The following PSG1 variants were observed in gnomAD, a reference collection of about 807,000 sequenced individuals.
The protein encoded by PSG1 is pregnancy specific beta-1-glycoprotein 1, also known as pregnancy-specific beta-1-glycoprotein 1.
PSG1 carries 60 observed loss-of-function variants against 41.4 expected under a neutral mutation model. The observed-to-expected ratio is 1.45, with a 90% confidence interval of 1.18 to 1.80. PSG1 has a LOEUF of 1.80. Ranked by LOEUF, PSG1 falls within the 40% of genes most tolerant of loss-of-function variation. The pLI is 0.00. For missense variants in PSG1, 806 were observed against 516.9 expected, an observed-to-expected ratio of 1.56 and a Z score of -5.42; for synonymous variants, 256 against 192.9, an observed-to-expected ratio of 1.33 and a Z score of -2.71.
chr19:42,870,992 C>T (rs2122510879), intron 3 of PSG1, among the ~76,000 whole-genome samples: 1 of 151,542 alleles, frequency 6.6e-6, no homozygotes, highest in East Asian at 1.9e-4. Flanking sequence ...AAACATATTC[C>T]CTGTCCTGGG....
chr19:42,871,149 G>A (rs1293643130), intron 3 of PSG1, among the ~76,000 whole-genome samples: 2 of 151,632 alleles, frequency 1.3e-5, no homozygotes, highest in South Asian at 2.1e-4. Flanking sequence ...TGTTCCACCA[G>A]TGGCTGAGTT....
Position 42,879,530 on chromosome 19 carries a change from G to A in PSG1, c.52C>T (p.Leu18Phe), listed in dbSNP as rs189153797. Residue 18 changes from leucine (L) to phenylalanine (F), a missense_variant, in exon 1 of 6, where the codon CTC becomes TTC. Transcript: ENST00000436291. ...PCTQRIKWKG[L>F]LLTASLLNFW... is the part of the protein sequence containing the mutation. ...GTTCTCTCCTCACCTGTGAGCAGGA[G>A]CCCCTTCCATTTGATGCGCTGTGTG... The A allele has an allele frequency of 1.5e-5, 24 of 1,610,204 alleles. 1 individual carries two copies. The Middle Eastern group carries it at 1.2e-3, about 77-fold the overall frequency.
intron 2 of PSG1, among the ~76,000 whole-genome samples, chr19:42,875,826 T>G (rs552791310): frequency 1.4e-5 from 1 of 70,388 alleles, no homozygotes; most frequent in Non-Finnish European, 2.8e-5. Context: ...ATTTATTTGT[T>G]TTTTTTTTTT....
Position 42,870,001 on chromosome 19 carries a change from G to A in PSG1, c.710-967C>T, listed in dbSNP as rs574395723. The A allele has an allele frequency of 1.2e-4, 18 of 151,768 alleles. 1 individual carries two copies. In the South Asian group the frequency reaches 3.8e-3, roughly 32 times the overall value. The allele number at this position is 151,768 out of a possible 1,614,324, so 9.4% of individuals were successfully genotyped here. Reference sequence around the variant, plus strand: ...TGGACATTCTACTCTCTGATTCCATGGGTTCAACTACTCTAGGGACCTCAT... The same window carrying A: ...TGGACATTCTACTCTCTGATTCCATAGGTTCAACTACTCTAGGGACCTCAT... On this transcript the variant is annotated intron_variant, in intron 3 of 5. Transcript: ENST00000436291.
chr19:42,872,005 A>G lies in PSG1; in HGVS notation c.471T>C (p.Asn157=), dbSNP rs1058677. 5.0e-6 allele frequency: 8 copies of G among 1,612,284 alleles called. No homozygotes were observed. Among genetic ancestry groups the G allele is most frequent in the Middle Eastern group, 1.7e-4 (1 of 6,056 alleles). Residue 157 remains asparagine, a synonymous_variant, in exon 3 of 6, where the codon AAT becomes AAC. Coordinates refer to ENST00000436291, the MANE Select transcript of PSG1 (RefSeq NM_001184825.2). ...TCACAGCCTCCATGGTCTCCCTGGG[A>G]TTTAAGTTGCTGCTGGAGATGGAGG... ...PKPSISSSNL[N]PRETMEAVSL...
At chr19:42,875,294 G>A (rs777915740) in intron 2 of PSG1, among the ~76,000 whole-genome samples, 4 of 151,710 alleles carry the variant, frequency 2.6e-5, no homozygotes, top group Non-Finnish European at 2.9e-5. Flanking sequence ...TCCAGGGACT[G>A]CCTTTGTAAA....
At position 42,868,462 on chromosome 19, in the gene PSG1, G is replaced by C. The variant is rs1971233258; in HGVS notation, c.989-107C>G. On this transcript the variant is annotated intron_variant, in intron 4 of 5. Coordinates refer to ENST00000436291, the MANE Select transcript of PSG1 (RefSeq NM_001184825.2). ...CCTCTGAGCCAAGACACACCCTCAAGTCCCAGCCCAACCCCCTCTATGTTC... is the reference window on the plus strand; with the variant it reads ...CCTCTGAGCCAAGACACACCCTCAACTCCCAGCCCAACCCCCTCTATGTTC... 1.5e-5 allele frequency: 22 copies of C among 1,479,228 alleles called. 1 individual carries two copies. In the South Asian group the frequency reaches 2.7e-4, roughly 18 times the overall value. 91.6% of individuals were successfully genotyped at this position (1,479,228 alleles called of 1,614,324 possible).
Position 42,867,095 on chromosome 19 carries a change from T to C in PSG1, c.*39A>G. On this transcript the variant is annotated 3_prime_UTR_variant, in exon 6 of 6. Transcript: ENST00000436291. ...ACAGAGTGGGTCTTGCTCTTAGTGA[T>C]TCCATGGGAGAAAATGGAATTGGAG... 4 of 772,880 alleles carry C rather than the reference T, an allele frequency of 5.2e-6. 1 individual carries two copies. Among genetic ancestry groups the C allele is most frequent in the East Asian group, 4.9e-5 (2 of 41,154 alleles). 47.9% of individuals were successfully genotyped at this position (772,880 alleles called of 1,614,324 possible). A position where few individuals can be genotyped will look rare whatever the true frequency, so the allele number is the denominator to read the frequency against.
chr19:42,877,796 G>A lies in PSG1; in HGVS notation c.430+117C>T, dbSNP rs1338032998. 1.9e-6 allele frequency: 3 copies of A among 1,583,920 alleles called. No individual in the cohort carries two copies. In the East Asian group the frequency reaches 6.7e-5, roughly 36 times the overall value. On this transcript the variant is annotated intron_variant, in intron 2 of 5. Coordinates refer to ENST00000436291, the MANE Select transcript of PSG1 (RefSeq NM_001184825.2). ...TCCTGCACTAAATGCCCAAATCCCA[G>A]CATGGGACATAACGCAGTGAGTGAC... is the stretch of plus-strand genomic sequence containing the variant.
chr19:42,871,580 T>C (rs1971385481), intron 3 of PSG1, among the ~76,000 whole-genome samples, 187 bp downstream of exon 3: 3 of 151,640 alleles, frequency 2.0e-5, no homozygotes, highest in Admixed American at 6.6e-5. Flanking sequence ...AGGAGCAGCC[T>C]CTTTTCTCCT....
chr19:42,871,804 A>C lies in PSG1; in HGVS notation c.672T>G (p.Ser224Arg). Residue 224 changes from serine to arginine, a missense_variant, in exon 3 of 6, where the codon AGT (serine) becomes AGG (arginine). Ser to Arg is a moderately radical substitution (Grantham distance 110, BLOSUM62 -1). Transcript: ENST00000436291. ...GGGTGACTGGGTCACTGCGGCTGGC[A>C]CTCACTGGGTTCCGTATTTCACATT... ...PYECEIRNPV[S>R]ASRSDPVTLN... 1 of 1,612,476 alleles carries C rather than the reference A, an allele frequency of 6.2e-7. No individual in the cohort carries two copies. The highest frequency in any genetic ancestry group is 8.5e-7 in the Non-Finnish European group (1 of 1,179,206).
At chr19:42,869,472 A>G (rs1249454028) in intron 3 of PSG1, 1 of 206,582 alleles carries the variant, frequency 4.8e-6, no homozygotes, top group Non-Finnish European at 9.9e-6. Flanking sequence ...CATTCTAGAG[A>G]TGAGTAATAA....
At position 42,878,002 on chromosome 19, in the gene PSG1, C is replaced by T. The variant is rs142473373; in HGVS notation, c.341G>A (p.Arg114Gln). The change falls in exon 2 of 6, where the codon CGG becomes CAG. Residue 114 changes from arginine (R) to glutamine (Q), a missense_variant. Coordinates refer to ENST00000436291, the MANE Select transcript of PSG1 (RefSeq NM_001184825.2). ...NASLLIQNVT[R>Q]EDAGSYTLHI... is the part of the protein sequence containing the mutation. ...TAAGGTGTAGGATCCTGCGTCCTCC[C>T]GGGTGACATTCTGGATCAGCAGGGA... 167 of 1,612,368 alleles carry T rather than the reference C, an allele frequency of 1.0e-4. 8 individuals are homozygous for T. Among genetic ancestry groups the T allele is most frequent in the African/African-American group, 4.0e-4 (30 of 74,730 alleles).
At chr19:42,878,638 T>C (rs1971728992) in intron 1 of PSG1, among the ~76,000 whole-genome samples, 2 of 147,036 alleles carry the variant, frequency 1.4e-5, no homozygotes, top group Admixed American at 6.8e-5. Flanking sequence ...TCTTTCCTGA[T>C]GCCTGCTTCA....
chr19:42,874,819 G>T (rs777085972), intron 2 of PSG1, among the ~76,000 whole-genome samples: 1 of 151,178 alleles, frequency 6.6e-6, no homozygotes. Context: ...CATGAGTGAG[G>T]ATGGGGTCAA....
At chr19:42,876,699 G>A (rs553362791) in intron 2 of PSG1, 15 of 180,204 alleles carry the variant, frequency 8.3e-5, no homozygotes, top group African/African-American at 3.6e-4. Flanking sequence ...TGGTGGTTAA[G>A]ATCTGAGGAG....
At chr19:42,875,793 A>G (rs892682955) in intron 2 of PSG1, among the ~76,000 whole-genome samples, 1 of 148,396 alleles carries the variant, frequency 6.7e-6, no homozygotes, top group Non-Finnish European at 1.5e-5. Flanking sequence ...GCAAACCGCC[A>G]TTTCAATTAT....
intron 5 of PSG1, 103 bp downstream of exon 5, chr19:42,867,998 A>G: frequency 1.2e-6 from 2 of 1,607,600 alleles, no homozygotes; most frequent in Non-Finnish European, 8.5e-7. Flanking sequence ...GCTTGTGCCC[A>G]TGGGACACAG....
chr19:42,870,160 G>C (rs1971319626), intron 3 of PSG1: 1 of 151,804 alleles, frequency 6.6e-6, no homozygotes, highest in African/African-American at 2.4e-5. Context: ...AACTGCTGTA[G>C]AGCTTGATGC....
Sources: gnomAD v4.1 joint callset for allele counts (sites outside exome capture counted in the v4.1 genomes callset) on GRCh38, gnomAD v4.1.1 for gene constraint, MANE v1.5 for transcripts, NCBI Gene and HGNC (gene_info 2026-07-23, HGNC 2026-07-21) for gene names.